ARHGAP31: variants seen among roughly 807,000 people sequenced by gnomAD.
ARHGAP31 encodes the protein rho GTPase-activating protein 31.
Under a neutral mutation model 113.9 loss-of-function variants are expected in ARHGAP31, and 34 were observed. The observed-to-expected ratio is 0.30, with a 90% CI of 0.23 to 0.40. The LOEUF (loss-of-function observed/expected upper bound fraction) is 0.40. Among genes scored for constraint, ARHGAP31 ranks in the 10% least tolerant of loss-of-function variants. The pLI, the probability that ARHGAP31 is intolerant of heterozygous loss-of-function variation, is 1.00. For synonymous variants in ARHGAP31, 650 were observed against 684.8 expected (o/e 0.95, Z 0.79); for missense variants, 1,548 against 1,767.1 (o/e 0.88, Z 2.22).
chr3:119,326,379 G>A (rs1315829518), intron 1 of ARHGAP31, among the ~76,000 whole-genome samples: 1 of 152,104 alleles, frequency 6.6e-6, no homozygotes, highest in African/African-American at 2.4e-5. Flanking sequence ...TACAGATCCA[G>A]AAAAAGGAAA....
intron 1 of ARHGAP31, among the ~76,000 whole-genome samples, chr3:119,332,330 G>T (rs1257642753): frequency 6.6e-6 from 1 of 151,874 alleles, no homozygotes; most frequent in African/African-American, 2.4e-5. Context: ...CTCCCAAGTG[G>T]CTGGGATTAC....
chr3:119,297,091 G>C (rs1206362314), intron 1 of ARHGAP31, among the ~76,000 whole-genome samples: 3 of 152,200 alleles, frequency 2.0e-5, no homozygotes, highest in Non-Finnish European at 4.4e-5. Context: ...TCCACACACT[G>C]TTATTGTGCT....
intron 1 of ARHGAP31, among the ~76,000 whole-genome samples, chr3:119,303,058 C>T (rs1362424202): frequency 1.3e-5 from 2 of 152,206 alleles, no homozygotes; most frequent in Non-Finnish European, 2.9e-5. Context: ...CAGGTGTACC[C>T]AATTTGTTAT....
rs2080783293 is a variant in ARHGAP31, at chr3:119,416,776, A to G, written c.*512A>G. The G allele has an allele frequency of 5.3e-6, 1 of 187,576 alleles. No individual in the cohort carries two copies. Among genetic ancestry groups the G allele is most frequent in the African/African-American group, 2.4e-5 (1 of 41,894 alleles). 11.6% of individuals were successfully genotyped at this position (187,576 alleles called of 1,614,324 possible). A position where few individuals can be genotyped will look rare whatever the true frequency, so the allele number is the denominator to read the frequency against. ...TCTAATAAGCTTTGTAAAATGTACTATCCAAATTAGAAGCGGATTTGGAAA... is the reference window on the plus strand; with the variant it reads ...TCTAATAAGCTTTGTAAAATGTACTGTCCAAATTAGAAGCGGATTTGGAAA... On this transcript the variant is annotated 3_prime_UTR_variant, in exon 12 of 12. Coordinates refer to ENST00000264245, the MANE Select transcript of ARHGAP31 (RefSeq NM_020754.4).
At chr3:119,301,144 C>A (rs1326070775) in intron 1 of ARHGAP31, among the ~76,000 whole-genome samples, 1 of 152,218 alleles carries the variant, frequency 6.6e-6, no homozygotes, top group Non-Finnish European at 1.5e-5. Flanking sequence ...GCCACTTCCA[C>A]ATGCCTCCCT....
chr3:119,358,481 A>T (rs924925225), intron 1 of ARHGAP31, among the ~76,000 whole-genome samples: 4 of 152,200 alleles, frequency 2.6e-5, no homozygotes, highest in Non-Finnish European at 5.9e-5. Context: ...CGACCTAGCC[A>T]TTTCACCCCT....
At chr3:119,361,374 CTTTTTTTT>C (rs555396093) in intron 1 of ARHGAP31, among the ~76,000 whole-genome samples, 1 of 132,342 alleles carries the variant, frequency 7.6e-6, no homozygotes, top group East Asian at 2.2e-4. Flanking sequence ...TTCAACATTC[CTTTTTTTT>C]TTTTTTTTTT....
intron 4 of ARHGAP31, 114 bp from the exon 5 acceptor site, chr3:119,382,178 T>C: frequency 9.3e-7 from 1 of 1,080,672 alleles, no homozygotes; most frequent in Non-Finnish European, 1.4e-6. Flanking sequence ...TGTCAATTCA[T>C]TAAAATAGAA....
At chr3:119,402,568 T>G (rs1166611288) in intron 10 of ARHGAP31, among the ~76,000 whole-genome samples, 171 bp downstream of exon 10, 1 of 152,268 alleles carries the variant, frequency 6.6e-6, no homozygotes. Flanking sequence ...AGCAGGTTAA[T>G]GTAACCACTC....
chr3:119,323,407 C>A (rs2079811165), intron 1 of ARHGAP31, among the ~76,000 whole-genome samples: 1 of 152,214 alleles, frequency 6.6e-6, no homozygotes, highest in Admixed American at 6.5e-5. Flanking sequence ...CCAGACCCCG[C>A]GGGTAGAGAA....
intron 5 of ARHGAP31, 77 bp downstream of exon 5, chr3:119,382,476 T>C: frequency 3.5e-6 from 5 of 1,410,790 alleles, no homozygotes; most frequent in African/African-American, 1.4e-5. Flanking sequence ...GATTGGATTC[T>C]TCAAATTGAA....
At chr3:119,381,521 G>C (rs181087103) in intron 4 of ARHGAP31, among the ~76,000 whole-genome samples, 102 of 152,240 alleles carry the variant, frequency 6.7e-4, no homozygotes, top group African/African-American at 2.4e-3. Context: ...GGTATAAGAA[G>C]GAACTTCCTA....
At chr3:119,356,719 A>T (rs1304865020) in intron 1 of ARHGAP31, among the ~76,000 whole-genome samples, 1 of 152,174 alleles carries the variant, frequency 6.6e-6, no homozygotes, top group Non-Finnish European at 1.5e-5. Context: ...AGACCACTCT[A>T]TGTCTGTACA....
At chr3:119,386,275 C>T (rs1356459695) in intron 6 of ARHGAP31, among the ~76,000 whole-genome samples, 1 of 152,080 alleles carries the variant, frequency 6.6e-6, no homozygotes, top group Admixed American at 6.6e-5. Flanking sequence ...AAAAAAATAC[C>T]ATGAACTGGT....
chr3:119,365,279 C>T (rs113568026), intron 1 of ARHGAP31, 37 bp from the exon 2 acceptor site: 1 of 1,549,872 alleles, frequency 6.5e-7, no homozygotes, highest in African/African-American at 1.4e-5. Context: ...AGACTTACAT[C>T]TAATACTTAA....
intron 1 of ARHGAP31, among the ~76,000 whole-genome samples, chr3:119,335,204 G>A (rs1277437784): frequency 1.3e-5 from 2 of 152,178 alleles, no homozygotes; most frequent in African/African-American, 2.4e-5. Context: ...GGAAGCAGAA[G>A]CCATAGATTT....
chr3:119,385,261 G>A (rs75695951), intron 6 of ARHGAP31, among the ~76,000 whole-genome samples: 14,381 of 151,712 alleles, frequency 0.095, 734 homozygotes, highest in Non-Finnish European at 0.11. Context: ...ATGTTTTCAA[G>A]GTTTACCAAT....
chr3:119,415,331 C>T lies in ARHGAP31; in HGVS notation c.3402C>T (p.Val1134=), dbSNP rs777890287. ...VASFSSPGMQ[V]SEPGDPKVTW... is the part of the protein sequence containing the mutation. The stretch of plus-strand genomic sequence containing the variant: ...CATTTAGTTCACCTGGAATGCAGGT[C>T]TCTGAGCCAGGAGACCCAAAGGTCA... Residue 1134 remains valine, a synonymous_variant, in exon 12 of 12, where the codon GTC becomes GTT. Transcript: ENST00000264245. 1 of 1,614,158 alleles carries T rather than the reference C, an allele frequency of 6.2e-7. No individual in the cohort carries two copies. Among genetic ancestry groups the T allele is most frequent in the Non-Finnish European group, 8.5e-7 (1 of 1,180,030 alleles).
chr3:119,391,589 A>ACCCCCCCCCCCCCCCCCCCCCCCC (rs368549202), intron 7 of ARHGAP31, among the ~76,000 whole-genome samples: 8 of 103,754 alleles, frequency 7.7e-5, no homozygotes, highest in Non-Finnish European at 1.0e-4. Flanking sequence ...CTGGGTCTCT[A>ACCCCCCCCCCCCCCCCCCCCCCCC]CCCCCCCCTC....
Sources: gnomAD v4.1 joint callset for allele counts (sites outside exome capture counted in the v4.1 genomes callset) on GRCh38, gnomAD v4.1.1 for gene constraint, MANE v1.5 for transcripts, NCBI Gene and HGNC (gene_info 2026-07-23, HGNC 2026-07-21) for gene names.